The following RBBP5 variants were observed in gnomAD, a reference collection of about 807,000 sequenced individuals.
RBBP5 encodes retinoblastoma-binding protein 5.
In RBBP5, 5 loss-of-function variants were observed where a neutral mutation model predicts 72.2. That is an observed-to-expected ratio of 0.07 (90% CI 0.04 to 0.15). RBBP5 has a LOEUF of 0.15. Ranked by LOEUF, RBBP5 falls within the 10% of genes least tolerant of loss-of-function variation. The probability of loss-of-function intolerance (pLI) is 1.00; values close to 1 mark genes in which losing one functional copy is unlikely to be tolerated. For missense variants in RBBP5, 322 were observed against 652.2 expected (o/e 0.49, Z 5.51); for synonymous variants, 209 against 237.2 (o/e 0.88, Z 1.09).
chr1:205,120,780 A>T (rs75428264), intron 1 of RBBP5, among the ~76,000 whole-genome samples: 1,994 of 138,380 alleles, frequency 0.014, 44 homozygotes, highest in African/African-American at 0.045. Flanking sequence ...AGGCTGTCTT[A>T]AAAAAAAAAA....
At chr1:205,102,046 G>A (rs1213418249) in intron 5 of RBBP5, among the ~76,000 whole-genome samples, 1 of 151,890 alleles carries the variant, frequency 6.6e-6, no homozygotes, top group African/African-American at 2.4e-5. Flanking sequence ...ACACGCATGC[G>A]CCACGACGCC....
chr1:205,086,736 A>G lies in RBBP5; in HGVS notation c.*2051T>C, dbSNP rs1440762636. The G allele has an allele frequency of 6.6e-6, 1 of 152,218 alleles. No homozygotes were observed. Among genetic ancestry groups the G allele is most frequent in the East Asian group, 1.9e-4 (1 of 5,198 alleles). 9.4% of individuals were successfully genotyped at this position (152,218 alleles called of 1,614,324 possible). On this transcript the variant is annotated 3_prime_UTR_variant, in exon 14 of 14. Coordinates refer to ENST00000264515, the MANE Select transcript of RBBP5 (RefSeq NM_005057.4). ...CAGAGACAATCTGACAGGGCTGAAG[A>G]TGATTTTCTCAGTAGCCAGTTTAGG... is the stretch of plus-strand genomic sequence containing the variant.
At chr1:205,115,818 T>G (rs768423115) in intron 2 of RBBP5, 40 bp downstream of exon 2, 1 of 1,553,130 alleles carries the variant, frequency 6.4e-7, no homozygotes, top group Admixed American at 2.1e-5. Context: ...CACCCAGAAG[T>G]TACTATGTTC....
At chr1:205,091,548 A>G (rs1259308823) in intron 13 of RBBP5, 5 of 152,278 alleles carry the variant, frequency 3.3e-5, no homozygotes, top group Admixed American at 3.3e-4. Flanking sequence ...AGATGGCCAG[A>G]TTATCTCTAT....
chr1:205,087,195 A>G lies in RBBP5; in HGVS notation c.*1592T>C, dbSNP rs943039645. The G allele has an allele frequency of 1.9e-5, 2 of 106,914 alleles. No homozygotes were observed. The highest frequency in any genetic ancestry group is 6.0e-5 in the African/African-American group (2 of 33,406). 6.6% of individuals were successfully genotyped at this position (106,914 alleles called of 1,614,324 possible). A position where few individuals can be genotyped will look rare whatever the true frequency, so the allele number is the denominator to read the frequency against. On this transcript the variant is annotated 3_prime_UTR_variant, in exon 14 of 14. Coordinates refer to ENST00000264515, the MANE Select transcript of RBBP5 (RefSeq NM_005057.4). ...CCTATAGGAGCATCCACCAACTGATATCATTTTTTTTTTTTTTTTGAGATA... is the reference window on the plus strand; with the variant it reads ...CCTATAGGAGCATCCACCAACTGATGTCATTTTTTTTTTTTTTTTGAGATA...
intron 13 of RBBP5, 98 bp downstream of exon 13, chr1:205,094,775 G>C: frequency 7.7e-7 from 1 of 1,304,382 alleles, no homozygotes; most frequent in Non-Finnish European, 1.0e-6. Flanking sequence ...AAAAACGAGG[G>C]AAGAGAGGGG....
At chr1:205,096,954 G>A (rs1389538224) in intron 11 of RBBP5, 43 bp from the exon 12 acceptor site, 6 of 1,512,140 alleles carry the variant, frequency 4.0e-6, no homozygotes, top group Non-Finnish European at 5.3e-6. Flanking sequence ...AAAAAGAGGA[G>A]ATAGTTGCTT....
intron 4 of RBBP5, among the ~76,000 whole-genome samples, 189 bp downstream of exon 4, chr1:205,104,837 CAA>C (rs1026572728): frequency 6.7e-6 from 1 of 149,618 alleles, no homozygotes; most frequent in Non-Finnish European, 1.5e-5. Context: ...GACTCTGTCT[CAA>C]AAAAAAGAAA....
At chr1:205,113,637 C>T (rs1055368085) in intron 3 of RBBP5, among the ~76,000 whole-genome samples, 4 of 151,042 alleles carry the variant, frequency 2.6e-5, no homozygotes, top group East Asian at 2.0e-4. Flanking sequence ...ATTGTACACT[C>T]GAAATTTTAT....
rs375728850 is a variant in RBBP5 at position 205,121,931 on chromosome 1, G to A, written c.-58C>T. On this transcript the variant is annotated 5_prime_UTR_variant, in exon 1 of 14. Coordinates refer to ENST00000264515, the MANE Select transcript of RBBP5 (RefSeq NM_005057.4). ...CGGCAACAACACCTTCTCCCCGGCC[G>A]GCTTCAGCAACTTGCGTCTAAGTGG... The A allele has an allele frequency of 1.7e-4, 272 of 1,604,058 alleles. No homozygotes were observed. The highest frequency in any genetic ancestry group is 1.9e-4 in the Non-Finnish European group (224 of 1,179,524).
chr1:205,104,734 G>A (rs1208322930), intron 4 of RBBP5, among the ~76,000 whole-genome samples: 8 of 151,948 alleles, frequency 5.3e-5, no homozygotes, highest in South Asian at 2.1e-4. Flanking sequence ...CCAGCTACTC[G>A]AGAGGCTGAG....
At chr1:205,096,053 C>A (rs1241134007) in intron 12 of RBBP5, among the ~76,000 whole-genome samples, 2 of 151,902 alleles carry the variant, frequency 1.3e-5, no homozygotes, top group African/African-American at 4.8e-5. Context: ...ATTAGCCAGG[C>A]GTGGTGGTGC....
At chr1:205,111,795 T>A (rs1656323429) in intron 3 of RBBP5, among the ~76,000 whole-genome samples, 1 of 152,154 alleles carries the variant, frequency 6.6e-6, no homozygotes, top group South Asian at 2.1e-4. Context: ...TCAGAGTACA[T>A]ATGAGCTAGG....
chr1:205,098,678 T>C (rs1655706416), intron 10 of RBBP5, among the ~76,000 whole-genome samples: 1 of 151,922 alleles, frequency 6.6e-6, no homozygotes, highest in Admixed American at 6.6e-5. Flanking sequence ...ACCCCATCTC[T>C]ACTAAAAATA....
chr1:205,086,184 T>C lies in RBBP5; in HGVS notation c.*2603A>G, dbSNP rs1456746925. On this transcript the variant is annotated 3_prime_UTR_variant, in exon 14 of 14. Transcript: ENST00000264515. Reference sequence around the variant, plus strand: ...GATTTTATTTACAAAGCATTAAAGCTTCAGCAAGAAGTACCCAAGGCTAAG... The same window carrying C: ...GATTTTATTTACAAAGCATTAAAGCCTCAGCAAGAAGTACCCAAGGCTAAG... 6.6e-6 allele frequency: 1 copy of C among 152,006 alleles called. No homozygotes were observed. Among genetic ancestry groups the C allele is most frequent in the East Asian group, 1.9e-4 (1 of 5,196 alleles). 9.4% of individuals were successfully genotyped at this position (152,006 alleles called of 1,614,324 possible).
chr1:205,112,309 C>A (rs1656348594), intron 3 of RBBP5, among the ~76,000 whole-genome samples: 1 of 152,144 alleles, frequency 6.6e-6, no homozygotes, highest in Non-Finnish European at 1.5e-5. Flanking sequence ...CAGAGCAAGA[C>A]TCTGTCTCAA....
At chr1:205,116,457 A>ATATG (rs1656526014) in intron 1 of RBBP5, 1 of 183,384 alleles carries the variant, frequency 5.5e-6, no homozygotes, top group Non-Finnish European at 1.2e-5. Flanking sequence ...TGACATATCC[A>ATATG]AGTTAGCAAC....
At chr1:205,119,377 C>G (rs1416455902) in intron 1 of RBBP5, among the ~76,000 whole-genome samples, 1 of 152,318 alleles carries the variant, frequency 6.6e-6, no homozygotes, top group East Asian at 1.9e-4. Flanking sequence ...GCCTGGGCAA[C>G]AGAGCAAGAC....
At chr1:205,106,958 G>A (rs1337513845) in intron 3 of RBBP5, among the ~76,000 whole-genome samples, 1 of 151,238 alleles carries the variant, frequency 6.6e-6, no homozygotes, top group Non-Finnish European at 1.5e-5. Context: ...AGCCAATGGA[G>A]GAAAAAAAGG....
Sources: allele counts gnomAD v4.1 joint callset (sites outside exome capture counted in the v4.1 genomes callset), GRCh38; gene constraint gnomAD v4.1.1; transcripts MANE v1.5; gene names NCBI Gene and HGNC (gene_info 2026-07-23, HGNC 2026-07-21).